The following ARHGAP5 variants were observed in gnomAD, a reference collection of about 807,000 sequenced individuals.
The protein encoded by ARHGAP5 is rho GTPase-activating protein 5.
Under a neutral mutation model 116.6 loss-of-function variants are expected in ARHGAP5, and 23 were observed. That is an observed-to-expected ratio of 0.20 (90% CI 0.14 to 0.28). The LOEUF is 0.28. ARHGAP5 is among the 10% of genes least tolerant of loss of function. The pLI, the probability that ARHGAP5 is intolerant of heterozygous loss-of-function variation, is 1.00. For missense variants in ARHGAP5, 1,405 were observed against 1,774.8 expected (o/e 0.79, Z 3.74); for synonymous variants, 574 against 602.0 (o/e 0.95, Z 0.68).
In ARHGAP5 at chr14:32,158,480, A is replaced by C. The variant is rs1881992251; in HGVS notation, c.*3532A>C. 1 of 152,010 alleles carries C rather than the reference A, an allele frequency of 6.6e-6. No individual in the cohort carries two copies. The highest frequency in any genetic ancestry group is 1.5e-5 in the Non-Finnish European group (1 of 67,870). 9.4% of individuals were successfully genotyped at this position (152,010 alleles called of 1,614,324 possible). On this transcript the variant is annotated 3_prime_UTR_variant, in exon 7 of 7. Transcript: ENST00000345122. ...CTATTCTAGTTATAGCAGAGCTGCT[A>C]ATATTAACGAATATATTTGTGTCTT...
At chr14:32,109,117 A>G (rs114062718) in intron 2 of ARHGAP5, among the ~76,000 whole-genome samples, 1,783 of 152,220 alleles carry the variant, frequency 0.012, 28 homozygotes, top group African/African-American at 0.04. Context: ...TAAAATATAC[A>G]TATATATTAC....
At chr14:32,089,961 GA>G (rs1195897545) in intron 1 of ARHGAP5, among the ~76,000 whole-genome samples, 3 of 151,616 alleles carry the variant, frequency 2.0e-5, no homozygotes, top group African/African-American at 7.3e-5. Flanking sequence ...ACATTTGGTA[GA>G]TTTTTTAAAA....
At position 32,092,565 on chromosome 14, in the gene ARHGAP5, T is replaced by C. The variant is rs1212015426; in HGVS notation, c.1896T>C (p.Leu632=). 6.2e-7 allele frequency: 1 copy of C among 1,613,740 alleles called. No homozygotes were observed. Among genetic ancestry groups the C allele is most frequent in the South Asian group, 1.1e-5 (1 of 90,964 alleles). ...EYALDGKIYE[L]DLRPVDAKSP... Reference sequence around the variant, plus strand: ...CCTTAGATGGAAAAATTTATGAACTTGATCTTCGGCCGGTTGATGCCAAAT... The same window carrying C: ...CCTTAGATGGAAAAATTTATGAACTCGATCTTCGGCCGGTTGATGCCAAAT... The change falls in exon 2 of 7, where the codon CTT becomes CTC. Residue 632 remains leucine, a synonymous_variant. Transcript: ENST00000345122. This position sits in a 1 kb window ranked among gnomAD's most constrained non-coding sequence, Gnocchi z 4.1.
At chr14:32,113,580 G>A (rs1879413692) in intron 2 of ARHGAP5, among the ~76,000 whole-genome samples, 1 of 152,156 alleles carries the variant, frequency 6.6e-6, no homozygotes, top group African/African-American at 2.4e-5. Flanking sequence ...ACCTTGGGAC[G>A]TATTTACTGG....
At chr14:32,124,869 T>C (rs116014164) in intron 3 of ARHGAP5, among the ~76,000 whole-genome samples, 1,758 of 152,160 alleles carry the variant, frequency 0.012, 26 homozygotes, top group African/African-American at 0.039. Context: ...ACATCTAGGG[T>C]GGTAGGAAGA....
At chr14:32,115,917 C>A (rs1365140731) in intron 2 of ARHGAP5, among the ~76,000 whole-genome samples, 41 of 151,206 alleles carry the variant, frequency 2.7e-4, no homozygotes, top group Non-Finnish European at 1.5e-5. Context: ...CTTGCTTGAA[C>A]CCGGGAGGCG....
Position 32,156,926 on chromosome 14 carries a change from T to G in ARHGAP5, c.*1978T>G, listed in dbSNP as rs1194465053. The G allele has an allele frequency of 6.6e-6, 1 of 152,420 alleles. No homozygotes were observed. Among genetic ancestry groups the G allele is most frequent in the Non-Finnish European group, 1.5e-5 (1 of 67,814 alleles). 9.4% of individuals were successfully genotyped at this position (152,420 alleles called of 1,614,324 possible). On this transcript the variant is annotated 3_prime_UTR_variant, in exon 7 of 7. Coordinates refer to ENST00000345122, the MANE Select transcript of ARHGAP5 (RefSeq NM_001030055.2). ...CTGTTCGTGTCTTCAGTTCATTCTG[T>G]CATAACTTTGCTATTGTAATATGTG...
At chr14:32,090,043 T>C (rs1878163874) in intron 1 of ARHGAP5, among the ~76,000 whole-genome samples, 1 of 151,960 alleles carries the variant, frequency 6.6e-6, no homozygotes, top group Non-Finnish European at 1.5e-5. Context: ...AATTCTGTTT[T>C]AAGGAATAAG....
chr14:32,086,335 G>T (rs1032182801), intron 1 of ARHGAP5, among the ~76,000 whole-genome samples: 1 of 152,052 alleles, frequency 6.6e-6, no homozygotes, highest in African/African-American at 2.4e-5. Flanking sequence ...AGCAGTACTC[G>T]AGAGTTTTAA....
At position 32,131,214 on chromosome 14, in the gene ARHGAP5, C is replaced by T. The variant is rs1162981680; in HGVS notation, c.3865+13927C>T. On this transcript the variant is annotated intron_variant, in intron 3 of 6. Transcript: ENST00000345122. The stretch of plus-strand genomic sequence containing the variant: ...CTTTTTTGTTGTATCAATCCAAGGT[C>T]CCAGCAAGAATCATGTATTACTTTT... Among the ~76,000 whole-genome samples, 3 of 150,650 alleles carry T rather than the reference C, an allele frequency of 2.0e-5. No individual in the cohort carries two copies. The East Asian group carries it at 5.8e-4, about 29-fold the overall frequency.
Position 32,093,250 on chromosome 14 carries a change from G to C in ARHGAP5, c.2581G>C (p.Ala861Pro). The stretch of plus-strand genomic sequence containing the variant: ...ATTAGTTTACTCTGCAAAACGGAAA[G>C]CTTCGATGGGAATGCTTCGAGCATT... ...YILVYSAKRK[A>P]SMGMLRAFLS... Residue 861 changes from alanine to proline, a missense_variant, in exon 2 of 7, where the codon GCT (alanine) becomes CCT (proline). This residue lies in a region of ARHGAP5 where 944 missense variants were observed against 1,095.3 expected (regional missense o/e 0.86). Coordinates refer to ENST00000345122, the MANE Select transcript of ARHGAP5 (RefSeq NM_001030055.2). 6.2e-7 allele frequency: 1 copy of C among 1,613,678 alleles called. No individual in the cohort carries two copies. The highest frequency in any genetic ancestry group is 8.5e-7 in the Non-Finnish European group (1 of 1,179,858).
chr14:32,140,086 G>GTTTTTTTTTTTTTTTTTTT (rs1566681639), intron 3 of ARHGAP5, among the ~76,000 whole-genome samples: 1 of 43,632 alleles, frequency 2.3e-5, no homozygotes, highest in Non-Finnish European at 4.8e-5. Context: ...TTTTTTTTTA[G>GTTTTTTTTTTTTTTTTTTT]GTTATTTGTT....
At chr14:32,136,832 C>T (rs374643797) in intron 3 of ARHGAP5, among the ~76,000 whole-genome samples, 12 of 151,998 alleles carry the variant, frequency 7.9e-5, no homozygotes, top group East Asian at 7.7e-4. Flanking sequence ...TTCCATTTCC[C>T]GTTGACTAAT....
intron 4 of ARHGAP5, among the ~76,000 whole-genome samples, chr14:32,149,400 A>G (rs1463380794): frequency 2.0e-5 from 3 of 152,284 alleles, no homozygotes; most frequent in Admixed American, 1.3e-4. Context: ...TAAGCCTAAC[A>G]GCATTTTTTT....
rs551311741 is a variant in ARHGAP5, at chr14:32,077,769, C to T, written c.-169+334C>T. ...CCAGGCGTCCGCTCTCGCCCGCCGC[C>T]TCACTTGCTCGAGTCTCGGGTGGTC... On this transcript the variant is annotated intron_variant, in intron 1 of 6. Transcript: ENST00000345122. Among the ~76,000 whole-genome samples the T allele has an allele frequency of 2.0e-5, 3 of 152,208 alleles. No individual in the cohort carries two copies. The South Asian group carries it at 6.2e-4, about 32-fold the overall frequency.
intron 3 of ARHGAP5, among the ~76,000 whole-genome samples, chr14:32,138,869 G>C (rs907277182): frequency 1.3e-5 from 2 of 152,134 alleles, no homozygotes; most frequent in Admixed American, 1.3e-4. Flanking sequence ...TGTTGAAGAA[G>C]ATAACCTTCT....
intron 3 of ARHGAP5, among the ~76,000 whole-genome samples, chr14:32,135,073 C>G (rs186907459): frequency 6.6e-6 from 1 of 152,186 alleles, no homozygotes; most frequent in African/African-American, 2.4e-5. Flanking sequence ...GTCTTAACAT[C>G]TGTTTTACAG....
chr14:32,114,422 T>G (rs2139063458), intron 2 of ARHGAP5, among the ~76,000 whole-genome samples: 1 of 152,326 alleles, frequency 6.6e-6, no homozygotes, highest in East Asian at 1.9e-4. Context: ...ACTTTGAGGT[T>G]ATAGTCTCTT....
chr14:32,156,169 G>C lies in ARHGAP5; in HGVS notation c.*1221G>C, dbSNP rs902883923. ...TTACTATAAGTGACTGCTGCTTTTG[G>C]GGGTAAACATTTTGTTAGTGAAGAT... On this transcript the variant is annotated 3_prime_UTR_variant, in exon 7 of 7. Transcript: ENST00000345122. The C allele has an allele frequency of 6.6e-6, 1 of 152,236 alleles. No individual in the cohort carries two copies. Among genetic ancestry groups the C allele is most frequent in the African/African-American group, 2.4e-5 (1 of 41,342 alleles). The allele number at this position is 152,236 out of a possible 1,614,324, so 9.4% of individuals were successfully genotyped here.
Sources: gnomAD v4.1 joint callset for allele counts (sites outside exome capture counted in the v4.1 genomes callset) on GRCh38, gnomAD v4.1.1 for gene constraint, gnomAD v4.1.1 regional missense constraint, Gnocchi (gnomAD v3.1) non-coding constraint, MANE v1.5 for transcripts, NCBI Gene and HGNC (gene_info 2026-07-23, HGNC 2026-07-21) for gene names.